The following GTPBP4 variants were observed in gnomAD, a reference collection of about 807,000 sequenced individuals.
GTPBP4 encodes the protein GTP-binding protein 4.
A neutral mutation model predicts 81.7 loss-of-function variants in GTPBP4; 15 were observed. The observed-to-expected ratio is 0.18, with a 90% confidence interval of 0.12 to 0.28. GTPBP4 has a LOEUF of 0.28. GTPBP4 is among the 10% of genes least tolerant of loss of function. The pLI, the probability that GTPBP4 is intolerant of heterozygous loss-of-function variation, is 1.00. For missense variants in GTPBP4, 847 were observed against 793.8 expected, an observed-to-expected ratio of 1.07 and a Z score of -0.81; for synonymous variants, 272 against 274.6, an observed-to-expected ratio of 0.99 and a Z score of 0.09.
intron 13 of GTPBP4, among the ~76,000 whole-genome samples, chr10:1,011,330 A>G (rs750598398): frequency 2.0e-5 from 3 of 152,156 alleles, no homozygotes; most frequent in Non-Finnish European, 4.4e-5. Flanking sequence ...AAAGTCCACA[A>G]GTTTTACTCA....
At chr10:1,017,049 A>AC in intron 16 of GTPBP4, 26 bp from the exon 17 acceptor site, 3 of 1,596,426 alleles carry the variant, frequency 1.9e-6, no homozygotes, top group Non-Finnish European at 2.6e-6. Flanking sequence ...TAATGAACAT[A>AC]CTTTATTTTT....
intron 1 of GTPBP4, among the ~76,000 whole-genome samples, chr10:992,269 A>G (rs1407910217): frequency 1.7e-4 from 26 of 151,564 alleles, no homozygotes; most frequent in African/African-American, 5.6e-4. Context: ...GTGTGGTGGC[A>G]CGCGCCTGTA....
intron 1 of GTPBP4, 83 bp from the exon 2 acceptor site, chr10:992,399 CAAAAAAA>C: frequency 1.8e-6 from 1 of 569,444 alleles, no homozygotes; most frequent in Non-Finnish European, 2.8e-6. Flanking sequence ...GACTCTGTCT[CAAAAAAA>C]AAAAAAAAAA....
At chr10:1,000,575 A>T in intron 6 of GTPBP4, 102 bp from the exon 7 acceptor site, 2 of 508,044 alleles carry the variant, frequency 3.9e-6, no homozygotes, top group Non-Finnish European at 6.5e-6. Context: ...CTGCTGTAAG[A>T]TTATTAGGTC....
At chr10:988,587 G>C in intron 1 of GTPBP4, 60 bp downstream of exon 1, 1 of 1,324,054 alleles carries the variant, frequency 7.6e-7, no homozygotes, top group African/African-American at 1.4e-5. Flanking sequence ...GGTCCCCGGG[G>C]AGGGTCCGGG....
chr10:1,006,358 G>A (rs1004768493), intron 9 of GTPBP4, among the ~76,000 whole-genome samples: 1 of 152,288 alleles, frequency 6.6e-6, no homozygotes, highest in African/African-American at 2.4e-5. Flanking sequence ...GACATTTCTG[G>A]CCAGGCGCAG....
intron 8 of GTPBP4, among the ~76,000 whole-genome samples, chr10:1,003,153 AT>A (rs35550162): frequency 0.77 from 116,293 of 151,928 alleles, 44,871 homozygotes; most frequent in East Asian, 0.9. Context: ...AATGACAGAG[AT>A]TTTTTTTCTG....
chr10:1,008,866 G>C (rs1340448462), intron 10 of GTPBP4, 92 bp from the exon 11 acceptor site: 1 of 921,726 alleles, frequency 1.1e-6, no homozygotes, highest in African/African-American at 1.6e-5. Context: ...TGTTCCCCTT[G>C]CACGTAGGGA....
rs757691293 is a variant in GTPBP4 at position 1,019,676 on chromosome 10, G to A, written c.*2449G>A. 1 of 1,613,972 alleles carries A rather than the reference G, an allele frequency of 6.2e-7. No individual in the cohort carries two copies. ...CCAGCAGCTCCCACAGCTCCTCCTG[G>A]GACAGGTAGAGGATGCTTTTCGTTT... On this transcript the variant is annotated 3_prime_UTR_variant, in exon 17 of 17. Transcript: ENST00000360803.
intron 8 of GTPBP4, among the ~76,000 whole-genome samples, chr10:1,003,280 G>T (rs933314701): frequency 6.6e-6 from 1 of 152,018 alleles, no homozygotes; most frequent in African/African-American, 2.4e-5. Flanking sequence ...TTAAGTTCTT[G>T]TTCATATCAT....
At chr10:1,010,336 G>A (rs576571711) in intron 12 of GTPBP4, 84 bp from the exon 13 acceptor site, 15 of 695,130 alleles carry the variant, frequency 2.2e-5, no homozygotes, top group East Asian at 5.5e-5. Flanking sequence ...TTGATTTGCC[G>A]TCAGTCACAA....
chr10:1,009,006 A>T lies in GTPBP4; in HGVS notation c.1162A>T (p.Met388Leu). ...AGGAGTGGTGGCTCGCAGGAAGAGG[A>T]TGGAAACTGAGGAGTCCAGGAAGAA... ...PEGVVARRKR[M>L]ETEESRKKRE... Residue 388 changes from methionine (M) to leucine (L), a missense_variant, in exon 11 of 17, where the codon ATG (methionine) becomes TTG (leucine). Transcript: ENST00000360803. 3 of 1,612,802 alleles carry T rather than the reference A, an allele frequency of 1.9e-6. No homozygotes were observed. In the South Asian group the frequency reaches 3.3e-5, roughly 18 times the overall value.
chr10:996,889 T>A, intron 4 of GTPBP4: 1 of 308,984 alleles, frequency 3.2e-6, no homozygotes, highest in Non-Finnish European at 6.0e-6. Context: ...GGTTCCCTAA[T>A]GTCATCTTGC....
At chr10:1,001,210 G>T (rs1383216396) in intron 8 of GTPBP4, among the ~76,000 whole-genome samples, 197 bp downstream of exon 8, 1 of 152,178 alleles carries the variant, frequency 6.6e-6, no homozygotes, top group African/African-American at 2.4e-5. Context: ...GAAAACATAA[G>T]TTTCTGGATT....
At chr10:1,010,327 T>C (rs1831830682) in intron 12 of GTPBP4, 93 bp from the exon 13 acceptor site, 1 of 687,908 alleles carries the variant, frequency 1.5e-6, no homozygotes, top group African/African-American at 1.8e-5. Flanking sequence ...GTGGAGTCGT[T>C]GATTTGCCGT....
chr10:1,008,788 T>C lies in GTPBP4; in HGVS notation c.1114-170T>C. 8 of 641,498 alleles carry C rather than the reference T, an allele frequency of 1.2e-5. No homozygotes were observed. The South Asian group carries it at 1.3e-4, about 10-fold the overall frequency. The allele number at this position is 641,498 out of a possible 1,614,324, so 39.7% of individuals were successfully genotyped here. A position where few individuals can be genotyped will look rare whatever the true frequency, so the allele number is the denominator to read the frequency against. On this transcript the variant is annotated intron_variant, in intron 10 of 16. Coordinates refer to ENST00000360803, the MANE Select transcript of GTPBP4 (RefSeq NM_012341.3). The stretch of plus-strand genomic sequence containing the variant: ...ATAATCTGTTGGTTGTTAATTGGTC[T>C]CGGTATGAACCCACTCCTCTCCCCT...
intron 2 of GTPBP4, 78 bp from the exon 3 acceptor site, chr10:995,851 A>C (rs1831528551): frequency 2.5e-6 from 2 of 814,066 alleles, no homozygotes; most frequent in Non-Finnish European, 4.2e-6. Context: ...AGGGAGAGGG[A>C]AAGAAATTGT....
At chr10:998,553 G>A (rs1422387034) in intron 5 of GTPBP4, among the ~76,000 whole-genome samples, 2 of 152,212 alleles carry the variant, frequency 1.3e-5, no homozygotes, top group African/African-American at 2.4e-5. Flanking sequence ...CCAGTGCTCT[G>A]TGGCCGATTT....
At position 1,019,685 on chromosome 10, in the gene GTPBP4, G is replaced by C. The variant is rs199526966; in HGVS notation, c.*2458G>C. The C allele has an allele frequency of 6.2e-7, 1 of 1,614,070 alleles. No homozygotes were observed. The highest frequency in any genetic ancestry group is 8.5e-7 in the Non-Finnish European group (1 of 1,180,030). ...CCCACAGCTCCTCCTGGGACAGGTA[G>C]AGGATGCTTTTCGTTTCACTGGGAT... On this transcript the variant is annotated 3_prime_UTR_variant, in exon 17 of 17. Coordinates refer to ENST00000360803, the MANE Select transcript of GTPBP4 (RefSeq NM_012341.3).
Sources: allele counts gnomAD v4.1 joint callset (sites outside exome capture counted in the v4.1 genomes callset), GRCh38; gene constraint gnomAD v4.1.1; transcripts MANE v1.5; gene names NCBI Gene and HGNC (gene_info 2026-07-23, HGNC 2026-07-21).